The following MANEA variants were observed in gnomAD, a reference collection of about 807,000 sequenced individuals.
MANEA encodes mannosidase endo-alpha.
Under a neutral mutation model 36.8 loss-of-function variants are expected in MANEA, and 25 were observed. The ratio of observed to expected loss-of-function variants is 0.68; its 90% CI spans 0.50 to 0.95. The LOEUF (loss-of-function observed/expected upper bound fraction) is 0.95, where lower values mean the gene tolerates loss of function less well. Among genes scored for constraint, MANEA ranks in the 40% least tolerant of loss-of-function variants. The probability of loss-of-function intolerance (pLI) is 0.00; values close to 1 mark genes in which losing one functional copy is unlikely to be tolerated. For missense variants in MANEA, 565 were observed against 558.8 expected (o/e 1.01, Z -0.11); for synonymous variants, 198 against 188.5 (o/e 1.05, Z -0.41).
chr6:95,581,290 T>C (rs1769177122), intron 1 of MANEA, among the ~76,000 whole-genome samples: 1 of 152,206 alleles, frequency 6.6e-6, no homozygotes, highest in Non-Finnish European at 1.5e-5. Flanking sequence ...AAATTGAGCT[T>C]GTGTGTCATC....
rs1769756028 is a variant in MANEA, at chr6:95,608,362, T to A, written c.*1957T>A. The stretch of plus-strand genomic sequence containing the variant: ...AACCCACCATGACAGAAAGTAAATT[T>A]TAGGAAATAGTTATGAGATTAAGGG... On this transcript the variant is annotated 3_prime_UTR_variant, in exon 5 of 5. Coordinates refer to ENST00000358812, the MANE Select transcript of MANEA (RefSeq NM_024641.4). 6.6e-6 allele frequency: 1 copy of A among 151,858 alleles called. No individual in the cohort carries two copies. Among genetic ancestry groups the A allele is most frequent in the South Asian group, 2.1e-4 (1 of 4,830 alleles). The allele number at this position is 151,858 out of a possible 1,614,324, so 9.4% of individuals were successfully genotyped here. A position where few individuals can be genotyped will look rare whatever the true frequency, so the allele number is the denominator to read the frequency against.
chr6:95,602,864 C>G (rs1434081222), intron 3 of MANEA, among the ~76,000 whole-genome samples: 2 of 149,858 alleles, frequency 1.3e-5, no homozygotes, highest in African/African-American at 4.9e-5. Context: ...ACTAAAAATA[C>G]AAAAAATTAG....
rs1422911021 is a variant in MANEA at position 95,608,461 on chromosome 6, G to C, written c.*2056G>C. 1.3e-5 allele frequency: 2 copies of C among 151,670 alleles called. No homozygotes were observed. The highest frequency in any genetic ancestry group is 2.4e-5 in the African/African-American group (1 of 41,348). 9.4% of individuals were successfully genotyped at this position (151,670 alleles called of 1,614,324 possible). On this transcript the variant is annotated 3_prime_UTR_variant, in exon 5 of 5. Coordinates refer to ENST00000358812, the MANE Select transcript of MANEA (RefSeq NM_024641.4). ...CTTTCTTTTTCCCATTATAGACATG[G>C]TGAATCCACACAGCATACTTCATCT...
chr6:95,597,936 T>G (rs1240665076), intron 3 of MANEA, among the ~76,000 whole-genome samples: 1 of 151,946 alleles, frequency 6.6e-6, no homozygotes. Flanking sequence ...AGAAAACATA[T>G]CAGCAAAAAT....
At chr6:95,578,445 A>C (rs1255513975) in intron 1 of MANEA, among the ~76,000 whole-genome samples, 3 of 152,196 alleles carry the variant, frequency 2.0e-5, no homozygotes, top group Non-Finnish European at 2.9e-5. Flanking sequence ...ATGGGACTGG[A>C]ATAGGCTGTT....
At chr6:95,602,844 C>G (rs1003102899) in intron 3 of MANEA, among the ~76,000 whole-genome samples, 1 of 150,076 alleles carries the variant, frequency 6.7e-6, no homozygotes, top group African/African-American at 2.4e-5. Context: ...CAAGGTGAAA[C>G]CCCGTCTCTA....
In MANEA at chr6:95,607,870, A is replaced by G. The variant is rs1769745350; in HGVS notation, c.*1465A>G. The stretch of plus-strand genomic sequence containing the variant: ...AATAATGCCTATAAATCTTCAGAGT[A>G]TAAAGACATCCATTCAGAAACAAAA... On this transcript the variant is annotated 3_prime_UTR_variant, in exon 5 of 5. Coordinates refer to ENST00000358812, the MANE Select transcript of MANEA (RefSeq NM_024641.4). 6.6e-6 allele frequency: 1 copy of G among 151,782 alleles called. No individual in the cohort carries two copies. Among genetic ancestry groups the G allele is most frequent in the African/African-American group, 2.4e-5 (1 of 41,426 alleles). The allele number at this position is 151,782 out of a possible 1,614,324, so 9.4% of individuals were successfully genotyped here.
intron 3 of MANEA, among the ~76,000 whole-genome samples, chr6:95,604,332 G>A (rs568511486): frequency 6.6e-6 from 1 of 151,620 alleles, no homozygotes; most frequent in Admixed American, 6.6e-5. Context: ...AGATTTTTCT[G>A]GACCATATTT....
At position 95,608,801 on chromosome 6, in the gene MANEA, ATACAT is replaced by A. The variant is rs571467717; in HGVS notation, c.*2399_*2403del. 130 of 151,910 alleles carry A rather than the reference ATACAT, an allele frequency of 8.6e-4. No individual in the cohort carries two copies. Among genetic ancestry groups the A allele is most frequent in the African/African-American group, 2.9e-3 (121 of 41,530 alleles). 9.4% of individuals were successfully genotyped at this position (151,910 alleles called of 1,614,324 possible). A position where few individuals can be genotyped will look rare whatever the true frequency, so the allele number is the denominator to read the frequency against. ...ATATAATCTATGCACATCCTCCTGTATACATTAAGTCATCTCTAGATTATTTATAA... is the reference window on the plus strand; with the variant it reads ...ATATAATCTATGCACATCCTCCTGTATAAGTCATCTCTAGATTATTTATAA... On this transcript the variant is annotated 3_prime_UTR_variant, in exon 5 of 5. Transcript: ENST00000358812.
At chr6:95,580,051 T>C (rs1276187024) in intron 1 of MANEA, among the ~76,000 whole-genome samples, 4 of 152,206 alleles carry the variant, frequency 2.6e-5, no homozygotes, top group Non-Finnish European at 2.9e-5. Context: ...TTTAGGCATC[T>C]CAAGGGTCAT....
At chr6:95,596,694 C>G in intron 2 of MANEA, 43 bp from the exon 3 acceptor site, 1 of 1,022,812 alleles carries the variant, frequency 9.8e-7, no homozygotes, top group Non-Finnish European at 1.5e-6. Flanking sequence ...TATCTGCATT[C>G]ATGTTCTTGT....
rs1769291233 is a variant in MANEA, at chr6:95,586,757, T to G, written c.318T>G (p.Phe106Leu). 3 of 1,613,796 alleles carry G rather than the reference T, an allele frequency of 1.9e-6. No homozygotes were observed. The highest frequency in any genetic ancestry group is 2.5e-6 in the Non-Finnish European group (3 of 1,179,704). The change falls in exon 2 of 5, where the codon TTT becomes TTG. Residue 106 changes from phenylalanine (F) to leucine (L), a missense_variant. Physicochemically the swap from Phe to Leu is conservative, Grantham distance 22. Coordinates refer to ENST00000358812, the MANE Select transcript of MANEA (RefSeq NM_024641.4). The stretch of plus-strand genomic sequence containing the variant: ...CTCTGAACAATTATCTACATGTATT[T>G]TATTACAGTTGGTATGGAAATCCAC... ...LPPLNNYLHVFYYSWYGNPQF... is the reference protein window; with the variant it reads ...LPPLNNYLHVLYYSWYGNPQF...
At chr6:95,583,771 T>A (rs1271610389) in intron 1 of MANEA, among the ~76,000 whole-genome samples, 1 of 152,308 alleles carries the variant, frequency 6.6e-6, no homozygotes, top group Middle Eastern at 3.4e-3. Context: ...TTACTTTATA[T>A]GTTTTAAACT....
intron 2 of MANEA, among the ~76,000 whole-genome samples, chr6:95,587,953 A>G (rs1050032655): frequency 6.7e-6 from 1 of 150,258 alleles, no homozygotes; most frequent in Non-Finnish European, 1.5e-5. Context: ...CATTTGTTTT[A>G]TTTATAACTG....
intron 2 of MANEA, chr6:95,587,319 A>G (rs991867363): frequency 3.7e-6 from 1 of 269,008 alleles, no homozygotes; most frequent in Non-Finnish European, 7.4e-6. Flanking sequence ...ATGTTACTCA[A>G]AAGTATATAC....
intron 2 of MANEA, among the ~76,000 whole-genome samples, chr6:95,589,631 A>T (rs186150211): frequency 6.6e-6 from 1 of 152,286 alleles, no homozygotes; most frequent in Admixed American, 6.5e-5. Context: ...TCTTTTAAGT[A>T]AAATATTACG....
chr6:95,588,683 G>T (rs895900287), intron 2 of MANEA, among the ~76,000 whole-genome samples: 4 of 151,786 alleles, frequency 2.6e-5, no homozygotes, highest in Admixed American at 6.6e-5. Context: ...CAGAGGAAAT[G>T]GTTGTTCTTT....
chr6:95,605,866 A>G lies in MANEA; in HGVS notation c.850A>G (p.Thr284Ala). The G allele has an allele frequency of 1.2e-6, 2 of 1,613,670 alleles. No individual in the cohort carries two copies. Among genetic ancestry groups the G allele is most frequent in the Non-Finnish European group, 1.7e-6 (2 of 1,179,832 alleles). The change falls in exon 5 of 5, where the codon ACC (threonine) becomes GCC (alanine). Residue 284 changes from threonine (T) to alanine (A), a missense_variant. By Grantham distance (58) the Thr-to-Ala change is moderately conservative. Coordinates refer to ENST00000358812, the MANE Select transcript of MANEA (RefSeq NM_024641.4). ...KPEKWANLLT[T>A]SGSRSIRNSP... is the part of the protein sequence containing the mutation. The stretch of plus-strand genomic sequence containing the variant: ...TGAAAAATGGGCCAATCTGTTAACC[A>G]CCTCAGGGTCTCGGAGTATTCGCAA...
chr6:95,606,125 C>G lies in MANEA; in HGVS notation c.1109C>G (p.Thr370Arg). ...GATACCAGCATCCGTCCATGGAACA[C>G]GCAAAACACTCGGAACCGAATCAAT... ...YIDTSIRPWNTQNTRNRINGK... is the reference protein window; with the variant it reads ...YIDTSIRPWNRQNTRNRINGK... The change falls in exon 5 of 5, where the codon ACG becomes AGG. Residue 370 changes from threonine to arginine, a missense_variant. By Grantham distance (71) the Thr-to-Arg change is moderately conservative. Coordinates refer to ENST00000358812, the MANE Select transcript of MANEA (RefSeq NM_024641.4). 2 of 1,613,970 alleles carry G rather than the reference C, an allele frequency of 1.2e-6. No homozygotes were observed. Among genetic ancestry groups the G allele is most frequent in the Non-Finnish European group, 1.7e-6 (2 of 1,179,954 alleles).
Sources: allele counts gnomAD v4.1 joint callset (sites outside exome capture counted in the v4.1 genomes callset), GRCh38; gene constraint gnomAD v4.1.1; transcripts MANE v1.5; gene names NCBI Gene and HGNC (gene_info 2026-07-23, HGNC 2026-07-21).